The following LPAR1 variants were observed in gnomAD, a reference collection of about 807,000 sequenced individuals.
The protein encoded by LPAR1 is LPA receptor 1.
A neutral mutation model predicts 23.8 loss-of-function variants in LPAR1; 5 were observed. The ratio of observed to expected loss-of-function variants is 0.21; its 90% CI spans 0.11 to 0.44. The LOEUF (loss-of-function observed/expected upper bound fraction) is 0.44, where lower values mean the gene tolerates loss of function less well. Among genes scored for constraint, LPAR1 ranks in the 20% least tolerant of loss-of-function variants. The probability of loss-of-function intolerance (pLI) is 0.99; values close to 1 mark genes in which losing one functional copy is unlikely to be tolerated. For missense variants in LPAR1, 311 were observed against 482.8 expected, an observed-to-expected ratio of 0.64 and a Z score of 3.33; for synonymous variants, 160 against 164.7, an observed-to-expected ratio of 0.97 and a Z score of 0.22.
intron 5 of LPAR1, among the ~76,000 whole-genome samples, chr9:110,880,807 C>T (rs148936257): frequency 4.6e-5 from 7 of 152,188 alleles, no homozygotes; most frequent in Non-Finnish European, 1.0e-4. Context: ...TTTATTCCCT[C>T]AGGTCAGGCA....
At chr9:110,928,947 T>C (rs2094220677) in intron 5 of LPAR1, among the ~76,000 whole-genome samples, 1 of 152,222 alleles carries the variant, frequency 6.6e-6, no homozygotes, top group Non-Finnish European at 1.5e-5. Context: ...GCCTGCAATA[T>C]AAATATGAGA....
intron 2 of LPAR1, among the ~76,000 whole-genome samples, chr9:110,988,457 TAATGA>T (rs1326187283): frequency 6.6e-6 from 1 of 152,084 alleles, no homozygotes; most frequent in African/African-American, 2.4e-5. Context: ...TGCAATTCAA[TAATGA>T]AGAGACAAGC....
chr9:110,960,387 CAT>C (rs1474123838), intron 4 of LPAR1, among the ~76,000 whole-genome samples: 2 of 152,116 alleles, frequency 1.3e-5, no homozygotes, highest in Admixed American at 1.3e-4. Flanking sequence ...GTTTTTCTCA[CAT>C]ATGTATACAT....
At chr9:111,036,613 C>G (rs1000174195) in intron 1 of LPAR1, among the ~76,000 whole-genome samples, 1 of 152,096 alleles carries the variant, frequency 6.6e-6, no homozygotes, top group Non-Finnish European at 1.5e-5. Context: ...GATGGGGAGA[C>G]GGAGACCAGG....
intron 2 of LPAR1, among the ~76,000 whole-genome samples, chr9:110,991,452 T>C (rs2096889995): frequency 1.3e-5 from 2 of 152,206 alleles, no homozygotes; most frequent in Admixed American, 1.3e-4. Flanking sequence ...ATTACACTTC[T>C]GTAATCTATA....
chr9:110,944,544 G>A (rs1206619785), intron 4 of LPAR1, among the ~76,000 whole-genome samples: 1 of 152,038 alleles, frequency 6.6e-6, no homozygotes, highest in Admixed American at 6.6e-5. Flanking sequence ...CAAATATCAA[G>A]CGTATATTAT....
Position 110,888,933 on chromosome 9 carries a change from C to G in LPAR1, c.794-13211G>C, listed in dbSNP as rs562756406. 2.6e-4 allele frequency among the ~76,000 whole-genome samples: 39 copies of G among 152,292 alleles called. No individual in the cohort carries two copies. In the South Asian group the frequency reaches 8.1e-3, roughly 32 times the overall value. ...ACAGTTCAGTGGAGTCATGAGAACT[C>G]CTGACTTGGAGTAACATCGAGAGAG... On this transcript the variant is annotated intron_variant, in intron 5 of 5. Coordinates refer to ENST00000683809, the MANE Select transcript of LPAR1 (RefSeq NM_001351411.2).
At chr9:110,951,691 G>A (rs2095573680) in intron 4 of LPAR1, among the ~76,000 whole-genome samples, 1 of 152,020 alleles carries the variant, frequency 6.6e-6, no homozygotes, top group Admixed American at 6.6e-5. Context: ...TAGTACAATA[G>A]CTTTGAAAAA....
At chr9:111,024,215 C>T (rs1334490190) in intron 2 of LPAR1, among the ~76,000 whole-genome samples, 3 of 151,820 alleles carry the variant, frequency 2.0e-5, no homozygotes, top group African/African-American at 7.2e-5. Flanking sequence ...ATGCAACTGG[C>T]CAGATAAATC....
At chr9:110,970,046 T>C (rs1198304347) in intron 4 of LPAR1, among the ~76,000 whole-genome samples, 1 of 152,192 alleles carries the variant, frequency 6.6e-6, no homozygotes, top group Non-Finnish European at 1.5e-5. Flanking sequence ...CCAGTGATTG[T>C]ATGAAATAGA....
At chr9:110,953,858 C>G (rs2095649615) in intron 4 of LPAR1, among the ~76,000 whole-genome samples, 2 of 151,998 alleles carry the variant, frequency 1.3e-5, no homozygotes, top group Admixed American at 1.3e-4. Flanking sequence ...AATTTTATAT[C>G]AGATGTGCAA....
At chr9:110,934,880 C>G (rs1230792362) in intron 5 of LPAR1, among the ~76,000 whole-genome samples, 1 of 151,718 alleles carries the variant, frequency 6.6e-6, no homozygotes, top group Non-Finnish European at 1.5e-5. Context: ...AGAGAGAGCA[C>G]AAACTTAATA....
At chr9:110,937,343 G>GGGAA (rs2094785990) in intron 5 of LPAR1, among the ~76,000 whole-genome samples, 9 of 152,116 alleles carry the variant, frequency 5.9e-5, no homozygotes, top group Admixed American at 5.2e-4. Context: ...TTTGATTAAA[G>GGGAA]GGAAGTAGAA....
intron 5 of LPAR1, among the ~76,000 whole-genome samples, chr9:110,879,324 A>T (rs985134599): frequency 6.7e-6 from 1 of 149,706 alleles, no homozygotes; most frequent in Non-Finnish European, 1.5e-5. Context: ...AGGCTGAGGC[A>T]GGAGAATCAC....
intron 2 of LPAR1, among the ~76,000 whole-genome samples, chr9:110,975,147 A>G (rs1266828573): frequency 6.6e-6 from 1 of 152,226 alleles, no homozygotes; most frequent in African/African-American, 2.4e-5. Flanking sequence ...GTCCAATATC[A>G]TTTCACCAAG....
chr9:110,951,092 C>A (rs1361719799), intron 4 of LPAR1, among the ~76,000 whole-genome samples: 3 of 152,044 alleles, frequency 2.0e-5, no homozygotes, highest in African/African-American at 7.2e-5. Context: ...TATGATTTTA[C>A]CCATCAATTG....
chr9:111,019,564 T>C (rs2097522811), intron 2 of LPAR1, among the ~76,000 whole-genome samples: 2 of 152,074 alleles, frequency 1.3e-5, no homozygotes, highest in Non-Finnish European at 2.9e-5. Context: ...TGGAATGTTG[T>C]ATTAGCTTAG....
intron 5 of LPAR1, among the ~76,000 whole-genome samples, chr9:110,899,899 A>G (rs2088052070): frequency 6.6e-6 from 1 of 152,164 alleles, no homozygotes; most frequent in Non-Finnish European, 1.5e-5. Flanking sequence ...TGCCAGTAAT[A>G]CACCACCCCC....
intron 2 of LPAR1, among the ~76,000 whole-genome samples, chr9:111,007,570 A>T (rs2097245467): frequency 6.6e-6 from 1 of 152,186 alleles, no homozygotes. Flanking sequence ...TTTAAAAATA[A>T]AATGCCATTG....
Sources: gnomAD v4.1 joint callset for allele counts (sites outside exome capture counted in the v4.1 genomes callset) on GRCh38, gnomAD v4.1.1 for gene constraint, MANE v1.5 for transcripts, NCBI Gene and HGNC (gene_info 2026-07-23, HGNC 2026-07-21) for gene names.